Variants in VAC14 observed in about 807,000 individuals in gnomAD.
The protein encoded by VAC14 is protein VAC14 homolog.
A neutral mutation model predicts 85.3 loss-of-function variants in VAC14; 47 were observed. That is an observed-to-expected ratio of 0.55 (90% CI 0.44 to 0.70). The LOEUF is 0.70. Among genes scored for constraint, VAC14 ranks in the 30% least tolerant of loss-of-function variants. The pLI is 0.00. For synonymous variants in VAC14, 447 were observed against 430.5 expected, an observed-to-expected ratio of 1.04 and a Z score of -0.47; for missense variants, 861 against 1,004.3, an observed-to-expected ratio of 0.86 and a Z score of 1.93.
rs969744626 is a variant in VAC14, at chr16:70,794,250, C to T, written c.104+6547G>A. Among the ~76,000 whole-genome samples the T allele has an allele frequency of 3.3e-5, 5 of 152,136 alleles. No individual in the cohort carries two copies. In the South Asian group the frequency reaches 1.0e-3, roughly 31 times the overall value. The stretch of plus-strand genomic sequence containing the variant: ...CCGTCAATTGTAGAACATTTTTTTA[C>T]CATCCCCAAAAGAAACCCTGCACCC... On this transcript the variant is annotated intron_variant, in intron 1 of 18. Transcript: ENST00000261776.
intron 14 of VAC14, among the ~76,000 whole-genome samples, chr16:70,703,804 A>G (rs2053873515): frequency 6.6e-6 from 1 of 152,216 alleles, no homozygotes; most frequent in Non-Finnish European, 1.5e-5. Context: ...AGCCCAGCAG[A>G]GGGGGCGGTC....
chr16:70,783,155 G>A lies in VAC14; in HGVS notation c.705-16C>T, dbSNP rs1301475927. The A allele has an allele frequency of 6.2e-7, 1 of 1,611,310 alleles. No homozygotes were observed. Among genetic ancestry groups the A allele is most frequent in the Non-Finnish European group, 8.5e-7 (1 of 1,178,390 alleles). ...AACCTCACACCTATGAACAAGAACA[G>A]GAAAGTGGAAACAGCGAGGGTCAGC... is the stretch of plus-strand genomic sequence containing the variant. On this transcript the variant is annotated splice_polypyrimidine_tract_variant and intron_variant, in intron 6 of 18. Transcript: ENST00000261776.
At chr16:70,758,361 G>T (rs2032041032) in intron 12 of VAC14, among the ~76,000 whole-genome samples, 1 of 152,186 alleles carries the variant, frequency 6.6e-6, no homozygotes, top group Non-Finnish European at 1.5e-5. Context: ...TCCTTGGCCA[G>T]GGTCCCCGGT....
chr16:70,752,823 C>A (rs1326253107), intron 12 of VAC14, among the ~76,000 whole-genome samples: 12 of 152,118 alleles, frequency 7.9e-5, no homozygotes, highest in Admixed American at 7.2e-4. Context: ...AACCAAACTC[C>A]TCTATTTGTT....
chr16:70,694,585 G>A (rs1257823669), intron 17 of VAC14, among the ~76,000 whole-genome samples: 5 of 152,202 alleles, frequency 3.3e-5, no homozygotes, highest in East Asian at 3.9e-4. Context: ...GGCTTAGGCC[G>A]GGCGGGTCAG....
At chr16:70,785,613 T>C (rs777887255) in intron 3 of VAC14, 89 bp downstream of exon 3, 55 of 1,437,444 alleles carry the variant, frequency 3.8e-5, no homozygotes, top group Non-Finnish European at 5.0e-5. Flanking sequence ...TCTGCTTGCA[T>C]CTGGGAAAAG....
intron 1 of VAC14, among the ~76,000 whole-genome samples, chr16:70,794,075 G>C (rs1445977207): frequency 5.9e-5 from 9 of 152,118 alleles, no homozygotes. Context: ...GACAGTAGTT[G>C]TGACTACTGA....
At chr16:70,727,637 C>G (rs1298396934) in intron 14 of VAC14, among the ~76,000 whole-genome samples, 1 of 152,220 alleles carries the variant, frequency 6.6e-6, no homozygotes, top group Admixed American at 6.5e-5. Context: ...TGCACCCAGC[C>G]AACGATGCCC....
chr16:70,797,608 A>G (rs2034599694), intron 1 of VAC14, among the ~76,000 whole-genome samples: 1 of 152,166 alleles, frequency 6.6e-6, no homozygotes, highest in African/African-American at 2.4e-5. Flanking sequence ...CTACTACACT[A>G]AATACTTGAT....
At chr16:70,724,076 C>A (rs2054361278) in intron 14 of VAC14, among the ~76,000 whole-genome samples, 2 of 152,220 alleles carry the variant, frequency 1.3e-5, no homozygotes, top group Non-Finnish European at 2.9e-5. Context: ...CCGCAAACAC[C>A]AAGATGCCAC....
chr16:70,764,874 GT>G (rs1423095339), intron 10 of VAC14, among the ~76,000 whole-genome samples: 1 of 152,184 alleles, frequency 6.6e-6, no homozygotes, highest in Non-Finnish European at 1.5e-5. Flanking sequence ...ATCTCTGGCA[GT>G]TTCCTAGCCA....
intron 13 of VAC14, among the ~76,000 whole-genome samples, chr16:70,743,697 C>T (rs1004879185): frequency 4.6e-5 from 7 of 152,186 alleles, no homozygotes; most frequent in South Asian, 2.1e-4. Flanking sequence ...GAATAAATTC[C>T]GGACACAAAA....
In VAC14 at chr16:70,783,889, G is replaced by T. The variant is rs73577159; in HGVS notation, c.594+224C>A. Among the ~76,000 whole-genome samples, 2,840 of 152,304 alleles carry T rather than the reference G, an allele frequency of 0.019. 86 individuals carry two copies. The highest frequency in any genetic ancestry group is 0.064 in the African/African-American group (2,654 of 41,562). On this transcript the variant is annotated intron_variant, in intron 5 of 18. Coordinates refer to ENST00000261776, the MANE Select transcript of VAC14 (RefSeq NM_018052.5). ...TCAGGTGTTTTCTGGGACAAGGAAA[G>T]AACTGGACTCCCTTCCAGGGCAACA...
chr16:70,739,716 C>T (rs2030074300), intron 13 of VAC14, among the ~76,000 whole-genome samples: 1 of 152,212 alleles, frequency 6.6e-6, no homozygotes, highest in Non-Finnish European at 1.5e-5. Context: ...GTGACCTCAG[C>T]CAGTGCTGGC....
chr16:70,760,962 G>T (rs1033076257), intron 12 of VAC14, among the ~76,000 whole-genome samples: 52 of 47,626 alleles, frequency 1.1e-3, no homozygotes, highest in African/African-American at 4.3e-3. Context: ...ACGAAGAGAG[G>T]GTGTGTGTGT....
At chr16:70,696,772 G>C (rs1419351014) in intron 16 of VAC14, 1 of 276,222 alleles carries the variant, frequency 3.6e-6, no homozygotes, top group Non-Finnish European at 7.1e-6. Flanking sequence ...GAACTACAAT[G>C]AGCAGAGGGC....
At chr16:70,795,293 G>A (rs368388942) in intron 1 of VAC14, among the ~76,000 whole-genome samples, 39 of 151,946 alleles carry the variant, frequency 2.6e-4, no homozygotes, top group African/African-American at 6.8e-4. Flanking sequence ...GGTGAAACCC[G>A]ATCTCTACTA....
At chr16:70,763,268 G>A (rs573585736) in intron 10 of VAC14, among the ~76,000 whole-genome samples, 2 of 152,204 alleles carry the variant, frequency 1.3e-5, no homozygotes, top group Non-Finnish European at 2.9e-5. Context: ...GAAGTTTGGA[G>A]CTTGCTGCTG....
chr16:70,712,094 G>C (rs1304275791), intron 14 of VAC14, among the ~76,000 whole-genome samples: 6 of 152,024 alleles, frequency 3.9e-5, no homozygotes, highest in Admixed American at 6.5e-5. Flanking sequence ...CCTCCCGGGA[G>C]GCTGAAAAAA....
Sources: allele counts gnomAD v4.1 joint callset (sites outside exome capture counted in the v4.1 genomes callset), GRCh38; gene constraint gnomAD v4.1.1; transcripts MANE v1.5; gene names NCBI Gene and HGNC (gene_info 2026-07-23, HGNC 2026-07-21).